The following AHCYL2 variants were observed in gnomAD, a reference collection of about 807,000 sequenced individuals.
The protein encoded by AHCYL2 is S-adenosylhomocysteine hydrolase-like protein 2.
In AHCYL2, 28 loss-of-function variants were observed where a neutral mutation model predicts 81.4. That is an observed-to-expected ratio of 0.34 (90% confidence interval 0.25 to 0.47). The LOEUF is 0.47. Among genes scored for constraint, AHCYL2 ranks in the 20% least tolerant of loss-of-function variants. The probability of loss-of-function intolerance (pLI) is 1.00; values close to 1 mark genes in which losing one functional copy is unlikely to be tolerated. For missense variants in AHCYL2, 551 were observed against 785.1 expected, an observed-to-expected ratio of 0.70 and a Z score of 3.56; for synonymous variants, 272 against 290.2, an observed-to-expected ratio of 0.94 and a Z score of 0.64.
At chr7:129,273,959 T>C (rs1488016684) in intron 1 of AHCYL2, among the ~76,000 whole-genome samples, 1 of 152,168 alleles carries the variant, frequency 6.6e-6, no homozygotes, top group African/African-American at 2.4e-5. Flanking sequence ...AACAAGCTTA[T>C]AAGGCCACTC....
intron 1 of AHCYL2, among the ~76,000 whole-genome samples, chr7:129,266,224 G>A (rs375131375): frequency 1.3e-5 from 2 of 152,204 alleles, no homozygotes; most frequent in East Asian, 1.9e-4. Flanking sequence ...AGTTGTTTCA[G>A]CCTTTATCGG....
intron 1 of AHCYL2, among the ~76,000 whole-genome samples, chr7:129,330,401 C>T (rs1052985202): frequency 5.3e-5 from 8 of 151,836 alleles, no homozygotes; most frequent in Admixed American, 2.0e-4. Context: ...AAATATTTTC[C>T]AGTCTTTCAA....
chr7:129,305,449 T>C (rs1259203706), intron 1 of AHCYL2, among the ~76,000 whole-genome samples: 1 of 152,056 alleles, frequency 6.6e-6, no homozygotes, highest in Non-Finnish European at 1.5e-5. Context: ...GACAGAGCAA[T>C]AATCCATCTC....
At chr7:129,274,094 T>C (rs1052504721) in intron 1 of AHCYL2, among the ~76,000 whole-genome samples, 1 of 152,132 alleles carries the variant, frequency 6.6e-6, no homozygotes, top group African/African-American at 2.4e-5. Context: ...GAGGAACTGG[T>C]GATATGTGTC....
In AHCYL2 at chr7:129,419,071, G is replaced by A. The variant is rs886764948; in HGVS notation, c.1462-3769G>A. Among the ~76,000 whole-genome samples the A allele has an allele frequency of 3.3e-5, 5 of 152,102 alleles. No homozygotes were observed. The highest frequency in any genetic ancestry group is 5.9e-5 in the Non-Finnish European group (4 of 68,024). ...TTTCCTTTTTTGGTAGGAATTCATA[G>A]TTTAACCTTGAGATGTTGCCTGTTG... On this transcript the variant is annotated intron_variant, in intron 12 of 16. Coordinates refer to ENST00000325006, the MANE Select transcript of AHCYL2 (RefSeq NM_015328.4). This position sits in a 1 kb window ranked among gnomAD's most constrained non-coding sequence, Gnocchi z 4.7.
intron 1 of AHCYL2, among the ~76,000 whole-genome samples, chr7:129,365,404 T>G (rs1174515151): frequency 6.6e-6 from 1 of 152,132 alleles, no homozygotes; most frequent in East Asian, 1.9e-4. Flanking sequence ...CCTTAGAGTA[T>G]GTACCCTTTT....
intron 1 of AHCYL2, among the ~76,000 whole-genome samples, chr7:129,244,262 T>G (rs759201300): frequency 1.2e-4 from 18 of 151,218 alleles, no homozygotes; most frequent in African/African-American, 1.7e-4. Context: ...CCTTGGCCTT[T>G]CAAAATGCTG....
intron 1 of AHCYL2, among the ~76,000 whole-genome samples, chr7:129,328,120 T>G (rs568729256): frequency 1.3e-5 from 2 of 152,162 alleles, no homozygotes; most frequent in Admixed American, 6.5e-5. Flanking sequence ...TTAAAAGTAA[T>G]GGGAAACTAT....
intron 1 of AHCYL2, among the ~76,000 whole-genome samples, chr7:129,306,965 C>T (rs1797466013): frequency 6.6e-6 from 1 of 152,176 alleles, no homozygotes; most frequent in African/African-American, 2.4e-5. Flanking sequence ...CTCTCTCTGT[C>T]TCTGTGCTGA....
At chr7:129,287,757 G>T (rs1327650381) in intron 1 of AHCYL2, among the ~76,000 whole-genome samples, 1 of 152,176 alleles carries the variant, frequency 6.6e-6, no homozygotes, top group South Asian at 2.1e-4. Flanking sequence ...CACAGGCTAA[G>T]TTCTTTATGT....
chr7:129,234,997 C>CT (rs1159956859), intron 1 of AHCYL2, among the ~76,000 whole-genome samples: 2 of 152,150 alleles, frequency 1.3e-5, no homozygotes, highest in East Asian at 3.8e-4. Context: ...GCTATATGTG[C>CT]TTTTTTCCTC....
intron 1 of AHCYL2, among the ~76,000 whole-genome samples, chr7:129,364,177 A>G (rs529443710): frequency 6.9e-4 from 105 of 152,200 alleles, no homozygotes; most frequent in Non-Finnish European, 1.2e-3. Flanking sequence ...AGTTCAAGCA[A>G]TGATCACATC....
At chr7:129,375,947 A>G (rs917950153) in intron 1 of AHCYL2, 32 of 1,535,974 alleles carry the variant, frequency 2.1e-5, no homozygotes, top group Non-Finnish European at 2.5e-5. Context: ...GCTCTTATTT[A>G]CCAGTCTTGC....
chr7:129,342,426 A>G (rs1793215913), intron 1 of AHCYL2, among the ~76,000 whole-genome samples: 1 of 152,186 alleles, frequency 6.6e-6, no homozygotes, highest in African/African-American at 2.4e-5. Context: ...ATGAAGAGAG[A>G]GACCCTTTCC....
At chr7:129,292,774 A>C (rs1386370323) in intron 1 of AHCYL2, among the ~76,000 whole-genome samples, 1 of 152,110 alleles carries the variant, frequency 6.6e-6, no homozygotes, top group African/African-American at 2.4e-5. Context: ...CTTAAAAAAA[A>C]AAACAAAGAA....
intron 2 of AHCYL2, among the ~76,000 whole-genome samples, chr7:129,384,900 C>T (rs1246821075): frequency 1.3e-5 from 2 of 152,138 alleles, no homozygotes; most frequent in Admixed American, 6.5e-5. Flanking sequence ...GGTTGAAAAA[C>T]GCTGCATTAA....
At chr7:129,342,865 G>A (rs553577273) in intron 1 of AHCYL2, among the ~76,000 whole-genome samples, 5 of 152,110 alleles carry the variant, frequency 3.3e-5, no homozygotes, top group Non-Finnish European at 7.4e-5. Flanking sequence ...AATATTACAC[G>A]TTATGTGTTA....
At chr7:129,364,100 G>T (rs35305688) in intron 1 of AHCYL2, among the ~76,000 whole-genome samples, 1 of 151,578 alleles carries the variant, frequency 6.6e-6, no homozygotes. Flanking sequence ...TGTGCCAGGT[G>T]TGGTGGTGCA....
intron 1 of AHCYL2, 53 bp from the exon 2 acceptor site, chr7:129,379,584 CT>C: frequency 5.9e-6 from 8 of 1,363,654 alleles, no homozygotes; most frequent in Non-Finnish European, 8.2e-6. Flanking sequence ...CCTTGAATTG[CT>C]GTCTCAAAAT....
Sources: allele counts gnomAD v4.1 joint callset (sites outside exome capture counted in the v4.1 genomes callset), GRCh38; gene constraint gnomAD v4.1.1; non-coding constraint Gnocchi (gnomAD v3.1); transcripts MANE v1.5; gene names NCBI Gene and HGNC (gene_info 2026-07-23, HGNC 2026-07-21).